The following FOLH1 variants were observed in gnomAD, a reference collection of about 807,000 sequenced individuals.
The protein encoded by FOLH1 is glutamate carboxypeptidase 2.
Under a neutral mutation model 93.9 loss-of-function variants are expected in FOLH1, and 54 were observed. The observed-to-expected ratio is 0.57, with a 90% CI of 0.46 to 0.72. The LOEUF (loss-of-function observed/expected upper bound fraction) is 0.72, where lower values mean the gene tolerates loss of function less well. Among genes scored for constraint, FOLH1 ranks in the 30% least tolerant of loss-of-function variants. FOLH1 has a pLI of 0.00. For missense variants in FOLH1, 571 were observed against 892.5 expected (o/e 0.64, Z 4.59); for synonymous variants, 249 against 303.6 (o/e 0.82, Z 1.87).
chr11:49,200,600 T>G (rs1250769886), intron 2 of FOLH1, among the ~76,000 whole-genome samples, 159 bp from the exon 3 acceptor site: 2 of 152,204 alleles, frequency 1.3e-5, no homozygotes, highest in African/African-American at 4.8e-5. Context: ...TTTCAAAGTC[T>G]GCTTTGAAAT....
intron 13 of FOLH1, among the ~76,000 whole-genome samples, chr11:49,161,871 C>T (rs762821648): frequency 6.6e-6 from 1 of 152,206 alleles, no homozygotes; most frequent in Non-Finnish European, 1.5e-5. Flanking sequence ...CTTATTTCTC[C>T]TTCACGTATA....
At chr11:49,206,006 A>G (rs781150266) in intron 2 of FOLH1, 61 bp downstream of exon 2, 29 of 1,533,762 alleles carry the variant, frequency 1.9e-5, no homozygotes, top group Non-Finnish European at 2.5e-5. Context: ...ATATTGGACC[A>G]AAACAGAATG....
intron 13 of FOLH1, among the ~76,000 whole-genome samples, chr11:49,163,592 T>C (rs1020261380): frequency 3.3e-5 from 5 of 151,120 alleles, no homozygotes; most frequent in African/African-American, 1.2e-4. Context: ...GGTCTTATCC[T>C]GTGAAGTGCT....
intron 3 of FOLH1, among the ~76,000 whole-genome samples, chr11:49,198,278 G>A (rs1455462101): frequency 2.6e-5 from 4 of 151,970 alleles, no homozygotes; most frequent in Non-Finnish European, 5.9e-5. Flanking sequence ...TCAGCAGATC[G>A]AGACCATCCT....
chr11:49,168,355 A>G (rs1262188306), intron 12 of FOLH1, among the ~76,000 whole-genome samples: 1 of 152,166 alleles, frequency 6.6e-6, no homozygotes, highest in Non-Finnish European at 1.5e-5. Flanking sequence ...TAGATATATT[A>G]GTGGAGCTGG....
intron 1 of FOLH1, chr11:49,206,728 T>C: frequency 6.5e-7 from 1 of 1,529,436 alleles, no homozygotes; most frequent in Non-Finnish European, 8.8e-7. Context: ...TCCAGTGAAG[T>C]AGGCGTGAGA....
At chr11:49,206,246 G>A in intron 1 of FOLH1, 74 bp from the exon 2 acceptor site, 3 of 1,594,834 alleles carry the variant, frequency 1.9e-6, no homozygotes, top group Non-Finnish European at 2.6e-6. Context: ...ATTGTTGTAT[G>A]TATTATTTGT....
In FOLH1 at chr11:49,148,729, G is replaced by A. The variant is rs375948834; in HGVS notation, c.1973C>T (p.Pro658Leu). 2.0e-5 allele frequency: 31 copies of A among 1,567,496 alleles called. No homozygotes were observed. Among genetic ancestry groups the A allele is most frequent in the Non-Finnish European group, 2.6e-5 (30 of 1,162,492 alleles). The change falls in exon 18 of 19, where the codon CCA becomes CTA. Residue 658 changes from proline (P) to leucine (L), a missense_variant and splice_region_variant. Around this residue, in one of 2 missense-constraint regions of FOLH1, gnomAD observed 500 missense variants for 822.9 expected, o/e 0.61. Coordinates refer to ENST00000256999, the MANE Select transcript of FOLH1 (RefSeq NM_004476.3). The part of the protein sequence containing the change: ...ERLQDFDKSN[P>L]IVLRMMNDQL... ...ATCATTCATCATTCTTAATACTATT[G>A]GGCTGAGAAAGAAAATGAATATAAT...
chr11:49,168,417 C>T (rs1175708561), intron 12 of FOLH1, among the ~76,000 whole-genome samples: 1 of 152,036 alleles, frequency 6.6e-6, no homozygotes, highest in African/African-American at 2.4e-5. Context: ...TCTGAGATTT[C>T]CTTTAGTTTG....
chr11:49,195,947 A>G (rs1862572645), intron 3 of FOLH1, among the ~76,000 whole-genome samples: 1 of 152,174 alleles, frequency 6.6e-6, no homozygotes, highest in Non-Finnish European at 1.5e-5. Flanking sequence ...CAAGGTCAGG[A>G]GTTCGAGATC....
At position 49,171,293 on chromosome 11, in the gene FOLH1, A is replaced by G. The variant is rs1182978143; in HGVS notation, c.1226-16T>C. ...GGTCTCCACCCTAAAATGTATGTGTATATATAAATGATAGAAAAAAAATTC... is the reference window on the plus strand; with the variant it reads ...GGTCTCCACCCTAAAATGTATGTGTGTATATAAATGATAGAAAAAAAATTC... On this transcript the variant is annotated splice_polypyrimidine_tract_variant and intron_variant, in intron 10 of 18. Coordinates refer to ENST00000256999, the MANE Select transcript of FOLH1 (RefSeq NM_004476.3). The G allele has an allele frequency of 1.9e-6, 3 of 1,542,808 alleles. No individual in the cohort carries two copies. The African/African-American group carries it at 4.3e-5, about 22-fold the overall frequency.
chr11:49,160,492 G>A (rs867092140), intron 13 of FOLH1, among the ~76,000 whole-genome samples: 8 of 151,926 alleles, frequency 5.3e-5, no homozygotes, highest in African/African-American at 1.7e-4. Context: ...GTCCAGGCTG[G>A]AGTGCAGTGA....
At chr11:49,181,126 G>C in intron 7 of FOLH1, among the ~76,000 whole-genome samples, 1 of 77,148 alleles carries the variant, frequency 1.3e-5, no homozygotes, top group Admixed American at 1.3e-4. Flanking sequence ...TTTTTTTTTT[G>C]AGACGGAGTC....
At chr11:49,152,419 G>C (rs753535542) in intron 17 of FOLH1, among the ~76,000 whole-genome samples, 5 of 152,122 alleles carry the variant, frequency 3.3e-5, no homozygotes, top group African/African-American at 4.8e-5. Context: ...AGCATGGAGA[G>C]CATATGCTTC....
chr11:49,166,375 C>A (rs539441906), intron 12 of FOLH1, among the ~76,000 whole-genome samples: 3 of 152,298 alleles, frequency 2.0e-5, no homozygotes, highest in East Asian at 3.9e-4. Context: ...AATTACTTAA[C>A]CTCTCTGAGT....
chr11:49,203,043 T>G (rs1205770931), intron 2 of FOLH1, among the ~76,000 whole-genome samples: 2 of 152,262 alleles, frequency 1.3e-5, no homozygotes, highest in African/African-American at 4.8e-5. Context: ...CAAAATTTGA[T>G]ATTCTAGTAT....
intron 12 of FOLH1, 100 bp from the exon 13 acceptor site, chr11:49,164,872 A>T: frequency 1.1e-6 from 1 of 951,116 alleles, no homozygotes; most frequent in Non-Finnish European, 1.6e-6. Flanking sequence ...GATTGTTTTA[A>T]AACCTGATTT....
chr11:49,186,752 A>C lies in FOLH1; in HGVS notation c.531T>G (p.Val177=), dbSNP rs1565191901. The C allele has an allele frequency of 1.2e-6, 2 of 1,611,778 alleles. No homozygotes were observed. Among genetic ancestry groups the C allele is most frequent in the African/African-American group, 2.7e-5 (2 of 74,960 alleles). ...AGAAGTCTTCAGTTCGTGCATAGTT[A>C]ACATACACTAGATCGCCCTGTTGAG... ...QGMPEGDLVY[V]NYARTEDFFK... is the part of the protein sequence containing the mutation. The change falls in exon 5 of 19, where the codon GTT becomes GTG. Residue 177 remains valine, a synonymous_variant. Transcript: ENST00000256999.
rs143422020 is a variant in FOLH1 at position 49,193,016 on chromosome 11, T to G, written c.412-122A>C. The G allele has an allele frequency of 1.4e-3, 955 of 699,398 alleles. 29 individuals carry two copies. In the East Asian group the frequency reaches 0.032, roughly 23 times the overall value. 43.3% of individuals were successfully genotyped at this position (699,398 alleles called of 1,614,324 possible). On this transcript the variant is annotated intron_variant, in intron 3 of 18. Transcript: ENST00000256999. The stretch of plus-strand genomic sequence containing the variant: ...GAGGGTGAATGAATCCTTCAGGATT[T>G]TGATGATAGTATCAGATACCCAGCA...
Sources: allele counts gnomAD v4.1 joint callset (sites outside exome capture counted in the v4.1 genomes callset), GRCh38; gene constraint gnomAD v4.1.1; regional missense constraint gnomAD v4.1.1; transcripts MANE v1.5; gene names NCBI Gene and HGNC (gene_info 2026-07-23, HGNC 2026-07-21).